CFAP20DC: variants seen among roughly 807,000 people sequenced by gnomAD.
CFAP20DC encodes the protein CFAP20 domain containing.
Under a neutral mutation model 101.7 loss-of-function variants are expected in CFAP20DC, and 84 were observed. That is an observed-to-expected ratio of 0.83 (90% CI 0.69 to 0.99). CFAP20DC has a LOEUF of 0.99. Ranked by LOEUF, CFAP20DC falls within the 50% of genes least tolerant of loss-of-function variation. CFAP20DC has a pLI of 0.00. For missense variants in CFAP20DC, 1,007 were observed against 970.3 expected, an observed-to-expected ratio of 1.04 and a Z score of -0.50; for synonymous variants, 359 against 351.2, an observed-to-expected ratio of 1.02 and a Z score of -0.25.
At chr3:58,749,363 C>T (rs1462952685) in intron 16 of CFAP20DC, among the ~76,000 whole-genome samples, 1 of 152,142 alleles carries the variant, frequency 6.6e-6, no homozygotes. Context: ...TCCTAACCCC[C>T]ACTTTACCCA....
intron 4 of CFAP20DC, among the ~76,000 whole-genome samples, chr3:59,011,942 CAG>C (rs1176935663): frequency 6.6e-6 from 1 of 152,084 alleles, no homozygotes; most frequent in Non-Finnish European, 1.5e-5. Context: ...ATGAAAGGTG[CAG>C]AGAGTTTAAA....
rs2080002079 is a variant in CFAP20DC, at chr3:58,869,936, A to C, written c.852+237T>G. Among the ~76,000 whole-genome samples the C allele has an allele frequency of 6.6e-6, 1 of 152,252 alleles. No individual in the cohort carries two copies. The highest frequency in any genetic ancestry group is 1.5e-5 in the Non-Finnish European group (1 of 68,040). ...AAATTTTGTGAACATATTTAATGAA[A>C]AGAATACTCGAAAATGTTAATTATG... On this transcript the variant is annotated intron_variant, in intron 8 of 16. Transcript: ENST00000482387. This position sits in a 1 kb window ranked among gnomAD's most constrained non-coding sequence, Gnocchi z 4.3.
At chr3:58,741,935 A>T (rs556893476), downstream of CFAP20DC, 1 of 325,512 alleles carries the variant, frequency 3.1e-6, no homozygotes, top group Non-Finnish European at 4.4e-6. Flanking sequence ...AGAGTCGAAG[A>T]GAAGGAAAGT....
At chr3:58,814,101 A>C (rs1241121255) in intron 14 of CFAP20DC, among the ~76,000 whole-genome samples, 2 of 151,728 alleles carry the variant, frequency 1.3e-5, no homozygotes, top group Non-Finnish European at 2.9e-5. Context: ...CAGTGAATGG[A>C]CCTCTGCCTA....
rs149677945 is a variant in CFAP20DC at position 58,829,174 on chromosome 3, A to C, written c.2175+2512T>G. ...TGGTGAAATCCTGTCTCTACTAAAA[A>C]TACAAAAAATTAGCTGGGCATGGTG... is the stretch of plus-strand genomic sequence containing the variant. On this transcript the variant is annotated intron_variant, in intron 14 of 16. Transcript: ENST00000482387. Among the ~76,000 whole-genome samples, 117 of 152,082 alleles carry C rather than the reference A, an allele frequency of 7.7e-4. No individual in the cohort carries two copies. The Middle Eastern group carries it at 0.024, about 31-fold the overall frequency.
At chr3:58,738,355 A>T (rs2067805331), downstream of CFAP20DC, among the ~76,000 whole-genome samples, 2 of 150,434 alleles carry the variant, frequency 1.3e-5, no homozygotes, top group African/African-American at 4.9e-5. The surrounding 1 kb of genome is among the most constrained non-coding windows in gnomAD (Gnocchi z 4.4). Flanking sequence ...CCCCACCCCC[A>T]ACAGGCCCCA....
chr3:58,976,064 C>T (rs2092260301), intron 4 of CFAP20DC, among the ~76,000 whole-genome samples: 1 of 152,176 alleles, frequency 6.6e-6, no homozygotes, highest in Non-Finnish European at 1.5e-5. Context: ...TTCGCTTTTG[C>T]AGAAACAGTC....
intron 4 of CFAP20DC, among the ~76,000 whole-genome samples, chr3:59,004,281 A>G (rs774633808): frequency 3.9e-5 from 6 of 152,190 alleles, no homozygotes; most frequent in African/African-American, 7.2e-5. Context: ...CATCTGAGGC[A>G]CAGGAAGAAG....
At chr3:58,817,178 C>A (rs1383772310) in intron 14 of CFAP20DC, among the ~76,000 whole-genome samples, 2 of 151,392 alleles carry the variant, frequency 1.3e-5, no homozygotes, top group Non-Finnish European at 2.9e-5. Flanking sequence ...GATAAAACCA[C>A]AAAGATGGGG....
intron 4 of CFAP20DC, among the ~76,000 whole-genome samples, chr3:58,972,643 T>C (rs1159911262): frequency 6.6e-6 from 1 of 152,182 alleles, no homozygotes; most frequent in African/African-American, 2.4e-5. Flanking sequence ...ATTTCCCAAT[T>C]AAGTTAGACA....
chr3:58,807,425 G>A (rs1015254378), intron 14 of CFAP20DC, among the ~76,000 whole-genome samples: 4 of 152,188 alleles, frequency 2.6e-5, no homozygotes, highest in African/African-American at 7.2e-5. Flanking sequence ...CCGCTGTTCT[G>A]CAGCCACCGC....
At position 58,797,167 on chromosome 3, in the gene CFAP20DC, GT is replaced by G. The variant is rs1263556040; in HGVS notation, c.2237+9227del. ...CACTTTCAATCAAAAGCTAGAAATG[GT>G]TAAGCTTAGTGAGGAAAGCATGCCT... On this transcript the variant is annotated intron_variant, in intron 15 of 16. Transcript: ENST00000482387. 5.3e-5 allele frequency among the ~76,000 whole-genome samples: 8 copies of G among 152,174 alleles called. No homozygotes were observed. In the South Asian group the frequency reaches 1.0e-3, roughly 20 times the overall value.
At chr3:59,036,698 T>C (rs2094109853) in intron 4 of CFAP20DC, among the ~76,000 whole-genome samples, 1 of 152,154 alleles carries the variant, frequency 6.6e-6, no homozygotes, top group South Asian at 2.1e-4. Context: ...AGAATCAATA[T>C]TGTGAAAATG....
intron 12 of CFAP20DC, among the ~76,000 whole-genome samples, chr3:58,855,472 C>A (rs1186127169): frequency 1.3e-5 from 2 of 152,084 alleles, no homozygotes; most frequent in Non-Finnish European, 2.9e-5. Context: ...TTTGACCCAG[C>A]CATCCCATTA....
chr3:58,764,283 G>A lies in CFAP20DC; in HGVS notation c.2238-10420C>T, dbSNP rs562610085. Among the ~76,000 whole-genome samples the A allele has an allele frequency of 6.6e-5, 10 of 152,272 alleles. No individual in the cohort carries two copies. In the South Asian group the frequency reaches 2.1e-3, roughly 32 times the overall value. On this transcript the variant is annotated intron_variant, in intron 15 of 16. Transcript: ENST00000482387. ...GCTGCCACCTTGTAGTTTGATCTCAGACTGCTGTGCTAGCAATAAGCGAGG... is the reference window on the plus strand; with the variant it reads ...GCTGCCACCTTGTAGTTTGATCTCAAACTGCTGTGCTAGCAATAAGCGAGG...
intron 16 of CFAP20DC, among the ~76,000 whole-genome samples, chr3:58,752,458 C>T (rs115811427): frequency 3.0e-3 from 463 of 152,170 alleles, no homozygotes; most frequent in African/African-American, 0.011. Flanking sequence ...CTGTCAGAAC[C>T]GGGCTTGGCA....
chr3:58,738,663 T>C (rs1393473202), downstream of CFAP20DC, among the ~76,000 whole-genome samples: 1 of 152,248 alleles, frequency 6.6e-6, no homozygotes, highest in Non-Finnish European at 1.5e-5. The surrounding 1 kb of genome is among the most constrained non-coding windows in gnomAD (Gnocchi z 4.4). Flanking sequence ...TGTGCAGGTA[T>C]CCTTGTAGTA....
At chr3:58,978,496 G>A (rs907149049) in intron 4 of CFAP20DC, among the ~76,000 whole-genome samples, 14 of 151,994 alleles carry the variant, frequency 9.2e-5, no homozygotes, top group African/African-American at 3.1e-4. Context: ...ATCACATGAT[G>A]CTAGGAGTTC....
downstream of CFAP20DC, among the ~76,000 whole-genome samples, chr3:58,738,027 T>C (rs763609331): frequency 6.6e-6 from 1 of 152,178 alleles, no homozygotes; most frequent in Non-Finnish European, 1.5e-5. The surrounding 1 kb of genome is among the most constrained non-coding windows in gnomAD (Gnocchi z 4.4). Flanking sequence ...TTAGACAATT[T>C]TATCTTAACT....
Sources: gnomAD v4.1 joint callset for allele counts (sites outside exome capture counted in the v4.1 genomes callset) on GRCh38, gnomAD v4.1.1 for gene constraint, Gnocchi (gnomAD v3.1) non-coding constraint, MANE v1.5 for transcripts, NCBI Gene and HGNC (gene_info 2026-07-23, HGNC 2026-07-21) for gene names.